Variants in TIA1 observed in about 807,000 individuals in gnomAD.
The protein encoded by TIA1 is cytotoxic granule associated RNA binding protein TIA1.
TIA1 carries 23 observed loss-of-function variants against 65.9 expected under a neutral mutation model. The observed-to-expected ratio is 0.35, with a 90% CI of 0.25 to 0.49. TIA1 has a LOEUF of 0.49. Ranked by LOEUF, TIA1 falls within the 20% of genes least tolerant of loss-of-function variation. TIA1 has a pLI of 0.98. For synonymous variants in TIA1, 147 were observed against 149.4 expected (o/e 0.98, Z 0.12); for missense variants, 371 against 477.9 (o/e 0.78, Z 2.09).
chr2:70,224,820 A>G (rs1167122117), intron 6 of TIA1, 191 bp from the exon 7 acceptor site: 3 of 1,379,242 alleles, frequency 2.2e-6, no homozygotes, highest in African/African-American at 1.5e-5. Context: ...ATGCAAATCA[A>G]TAACTTAAGT....
At chr2:70,220,030 G>A (rs1258950057) in intron 7 of TIA1, among the ~76,000 whole-genome samples, 1 of 152,058 alleles carries the variant, frequency 6.6e-6, no homozygotes, top group African/African-American at 2.4e-5. Flanking sequence ...GGCCTTATTT[G>A]GAAACAGGGT....
intron 7 of TIA1, among the ~76,000 whole-genome samples, chr2:70,217,930 TAAAC>T (rs1679396882): frequency 6.6e-6 from 1 of 152,226 alleles, no homozygotes; most frequent in African/African-American, 2.4e-5. Flanking sequence ...AAGAAAATCT[TAAAC>T]AATCTAACAA....
intron 1 of TIA1, among the ~76,000 whole-genome samples, chr2:70,238,495 CA>C (rs1372969296): frequency 2.0e-5 from 3 of 151,552 alleles, no homozygotes; most frequent in Non-Finnish European, 4.4e-5. Context: ...CTGGTACCCC[CA>C]ATTTTTAAAT....
intron 1 of TIA1, among the ~76,000 whole-genome samples, chr2:70,246,745 G>T (rs1694545610): frequency 6.6e-6 from 1 of 152,060 alleles, no homozygotes; most frequent in African/African-American, 2.4e-5. Flanking sequence ...AATTAGCCGG[G>T]CATGGTGGTG....
At position 70,229,331 on chromosome 2, in the gene TIA1, A is replaced by G; in HGVS notation, c.223-13T>C. On this transcript the variant is annotated splice_polypyrimidine_tract_variant and intron_variant, in intron 3 of 12. Transcript: ENST00000433529. Reference sequence around the variant, plus strand: ...TCACTTTGACTTCCTAAAAAAAAAAAATTTCTACATTTATACTTCACAAAA... The same window carrying G: ...TCACTTTGACTTCCTAAAAAAAAAAGATTTCTACATTTATACTTCACAAAA... The G allele has an allele frequency of 6.2e-7, 1 of 1,601,688 alleles. No homozygotes were observed. The highest frequency in any genetic ancestry group is 1.1e-5 in the South Asian group (1 of 89,136).
chr2:70,241,196 T>C (rs1438061317), intron 1 of TIA1, among the ~76,000 whole-genome samples: 3 of 151,918 alleles, frequency 2.0e-5, no homozygotes, highest in Admixed American at 6.6e-5. Context: ...CCTGTAATCC[T>C]AGCACTTTGG....
chr2:70,210,109 TAA>T lies in TIA1; in HGVS notation c.*2608_*2609del. ...TAAACCACTGATTCTGGAATAAGAT[TAA>T]AAAAAAAATACCTGAGTGAATATAA... On this transcript the variant is annotated 3_prime_UTR_variant, in exon 13 of 13. Transcript: ENST00000433529. 1.2e-5 allele frequency: 2 copies of T among 166,132 alleles called. No homozygotes were observed. Among genetic ancestry groups the T allele is most frequent in the South Asian group, 2.1e-4 (1 of 4,836 alleles). 10.3% of individuals were successfully genotyped at this position (166,132 alleles called of 1,614,324 possible). A position where few individuals can be genotyped will look rare whatever the true frequency, so the allele number is the denominator to read the frequency against.
intron 2 of TIA1, among the ~76,000 whole-genome samples, chr2:70,234,613 G>A (rs1687952658): frequency 6.6e-6 from 1 of 152,162 alleles, no homozygotes; most frequent in Admixed American, 6.5e-5. Flanking sequence ...CCAGGCTGGA[G>A]TGCAATGGTG....
At chr2:70,225,958 A>G (rs1393764234) in intron 6 of TIA1, among the ~76,000 whole-genome samples, 1 of 152,178 alleles carries the variant, frequency 6.6e-6, no homozygotes, top group Non-Finnish European at 1.5e-5. Flanking sequence ...CACTTTTTAG[A>G]GAATATCATG....
rs1676540840 is a variant in TIA1 at position 70,211,747 on chromosome 2, A to T, written c.*972T>A. On this transcript the variant is annotated 3_prime_UTR_variant, in exon 13 of 13. Transcript: ENST00000433529. Reference sequence around the variant, plus strand: ...AACAACTTAAAACCTTATAAATCTCATGTCAACTCTGCATGATGCCTTGAA... The same window carrying T: ...AACAACTTAAAACCTTATAAATCTCTTGTCAACTCTGCATGATGCCTTGAA... 6.6e-6 allele frequency: 1 copy of T among 152,648 alleles called. No individual in the cohort carries two copies. The highest frequency in any genetic ancestry group is 2.1e-4 in the South Asian group (1 of 4,836). The allele number at this position is 152,648 out of a possible 1,614,324, so 9.5% of individuals were successfully genotyped here.
Position 70,211,419 on chromosome 2 carries a change from G to GGT in TIA1, c.*1298_*1299dup, listed in dbSNP as rs1333424704. On this transcript the variant is annotated 3_prime_UTR_variant, in exon 13 of 13. Transcript: ENST00000433529. ...GCTGTTTAAAGAGGTAGGATTTTAA[G>GGT]GTTTTTTTTTTGTTTATCTTTTGGC... The GGT allele has an allele frequency of 6.8e-6, 1 of 148,140 alleles. No homozygotes were observed. Among genetic ancestry groups the GGT allele is most frequent in the African/African-American group, 2.5e-5 (1 of 40,228 alleles). The allele number at this position is 148,140 out of a possible 1,614,324, so 9.2% of individuals were successfully genotyped here. A position where few individuals can be genotyped will look rare whatever the true frequency, so the allele number is the denominator to read the frequency against.
Position 70,221,827 on chromosome 2 carries a change from G to A in TIA1, c.474+2727C>T, listed in dbSNP as rs142267595. Among the ~76,000 whole-genome samples, 756 of 151,360 alleles carry A rather than the reference G, an allele frequency of 5.0e-3. 6 individuals carry two copies. The highest frequency in any genetic ancestry group is 0.018 in the African/African-American group (724 of 41,272). On this transcript the variant is annotated intron_variant, in intron 7 of 12. Coordinates refer to ENST00000433529, the MANE Select transcript of TIA1 (RefSeq NM_022173.4). ...TTTTTTTTGAGACAGGGTCTCTGTC[G>A]TCCAGGCTGGAGTGCAGTGGTGCAA...
At chr2:70,224,976 T>C (rs898000921) in intron 6 of TIA1, 1 of 1,030,968 alleles carries the variant, frequency 9.7e-7, no homozygotes, top group Non-Finnish European at 1.2e-6. Context: ...TGAATGGCTT[T>C]CTTTAACCAT....
At chr2:70,240,857 G>A (rs375248887) in intron 1 of TIA1, among the ~76,000 whole-genome samples, 1 of 151,946 alleles carries the variant, frequency 6.6e-6, no homozygotes, top group Middle Eastern at 3.4e-3. Flanking sequence ...GGGTGACAGA[G>A]CAAGACACTG....
Position 70,235,031 on chromosome 2 carries a change from GACAAACAAACAA to G in TIA1, c.123+1036_123+1047del, listed in dbSNP as rs552786254. Among the ~76,000 whole-genome samples the G allele has an allele frequency of 1.9e-3, 293 of 152,030 alleles. 1 individual carries two copies. Among genetic ancestry groups the G allele is most frequent in the African/African-American group, 6.4e-3 (267 of 41,462 alleles). On this transcript the variant is annotated intron_variant, in intron 2 of 12. Coordinates refer to ENST00000433529, the MANE Select transcript of TIA1 (RefSeq NM_022173.4). ...GCTATACCAAGACCCTGTCTTTCAAGACAAACAAACAAACAAACAAACAAACGAAAAGTTTAC... is the reference window on the plus strand; with the variant it reads ...GCTATACCAAGACCCTGTCTTTCAAGACAAACAAACAAACGAAAAGTTTAC...
chr2:70,229,395 G>C lies in TIA1; in HGVS notation c.223-77C>G, dbSNP rs370585802. On this transcript the variant is annotated intron_variant, in intron 3 of 12. Coordinates refer to ENST00000433529, the MANE Select transcript of TIA1 (RefSeq NM_022173.4). ...TCACATTTGTATCTATAAACACATA[G>C]GAAGATATCTGTTTAAGATGAAACA... 3,229 of 1,233,740 alleles carry C rather than the reference G, an allele frequency of 2.6e-3. 80 individuals are homozygous for C. In the South Asian group the frequency reaches 0.032, roughly 12 times the overall value. The allele number at this position is 1,233,740 out of a possible 1,614,324, so 76.4% of individuals were successfully genotyped here. A position where few individuals can be genotyped will look rare whatever the true frequency, so the allele number is the denominator to read the frequency against.
chr2:70,234,700 T>C (rs1419387383), intron 2 of TIA1, among the ~76,000 whole-genome samples: 2 of 152,110 alleles, frequency 1.3e-5, no homozygotes, highest in Non-Finnish European at 2.9e-5. Context: ...TAGCTGGGAT[T>C]ACAGGCGCTT....
At chr2:70,228,999 A>G in intron 5 of TIA1, 60 bp downstream of exon 5, 1 of 1,205,234 alleles carries the variant, frequency 8.3e-7, no homozygotes, top group Non-Finnish European at 1.1e-6. Flanking sequence ...AAAAAACTTC[A>G]GGTGGTTAGT....
intron 1 of TIA1, 62 bp downstream of exon 1, chr2:70,248,343 G>A (rs868332886): frequency 6.4e-7 from 1 of 1,571,920 alleles, no homozygotes; most frequent in Non-Finnish European, 8.6e-7. Flanking sequence ...GCGGCGCAGG[G>A]CCGAGGCCTT....
Sources: gnomAD v4.1 joint callset for allele counts (sites outside exome capture counted in the v4.1 genomes callset) on GRCh38, gnomAD v4.1.1 for gene constraint, MANE v1.5 for transcripts, NCBI Gene and HGNC (gene_info 2026-07-23, HGNC 2026-07-21) for gene names.